CNTNAP2: variants seen among roughly 807,000 people sequenced by gnomAD.
CNTNAP2 encodes contactin-associated protein-like 2.
Under a neutral mutation model 155.2 loss-of-function variants are expected in CNTNAP2, and 98 were observed. The ratio of observed to expected loss-of-function variants is 0.63; its 90% CI spans 0.54 to 0.75. CNTNAP2 has a LOEUF of 0.75. CNTNAP2 is among the 30% of genes least tolerant of loss of function. The pLI is 0.00. For synonymous variants in CNTNAP2, 651 were observed against 631.2 expected, an observed-to-expected ratio of 1.03 and a Z score of -0.47; for missense variants, 1,727 against 1,688.1, an observed-to-expected ratio of 1.02 and a Z score of -0.40.
intron 1 of CNTNAP2, among the ~76,000 whole-genome samples, chr7:146,387,873 G>A (rs1414073970): frequency 3.3e-5 from 5 of 151,910 alleles, no homozygotes; most frequent in East Asian, 3.9e-4. Flanking sequence ...CTTTCCTCTC[G>A]ATAAATCTAG....
At chr7:146,935,423 T>A (rs1443828013) in intron 3 of CNTNAP2, among the ~76,000 whole-genome samples, 1 of 152,188 alleles carries the variant, frequency 6.6e-6, no homozygotes, top group African/African-American at 2.4e-5. Flanking sequence ...ATACGTTGCC[T>A]CATAATCAGT....
At chr7:147,411,725 T>C (rs7795970) in intron 10 of CNTNAP2, among the ~76,000 whole-genome samples, 3,810 of 152,226 alleles carry the variant, frequency 0.025, 181 homozygotes, top group African/African-American at 0.087. Context: ...TCATATCTCA[T>C]TAGCCAGATT....
chr7:146,235,823 C>T (rs752417751), intron 1 of CNTNAP2, among the ~76,000 whole-genome samples: 3 of 152,026 alleles, frequency 2.0e-5, no homozygotes, highest in Admixed American at 6.6e-5. Flanking sequence ...GCTGTTCTCC[C>T]GTCTGCCTTT....
intron 21 of CNTNAP2, among the ~76,000 whole-genome samples, chr7:148,309,495 G>A (rs55664664): frequency 0.27 from 41,193 of 152,032 alleles, 6,032 homozygotes; most frequent in African/African-American, 0.39. Context: ...GGGTGCAGGC[G>A]GGCTGAGTCC....
Position 147,406,080 on chromosome 7 carries a change from C to T in CNTNAP2, c.1670+10300C>T, listed in dbSNP as rs1026068848. ...CATTTCTTTACTGGATTTCATTAAACCCAACATATTGAAGACTTGTATCAT... is the reference window on the plus strand; with the variant it reads ...CATTTCTTTACTGGATTTCATTAAATCCAACATATTGAAGACTTGTATCAT... On this transcript the variant is annotated intron_variant, in intron 10 of 23. Transcript: ENST00000361727. 7.2e-5 allele frequency among the ~76,000 whole-genome samples: 11 copies of T among 152,084 alleles called. 1 individual carries two copies. The highest frequency in any genetic ancestry group is 2.4e-4 in the African/African-American group (10 of 41,424).
intron 1 of CNTNAP2, among the ~76,000 whole-genome samples, chr7:146,202,784 A>G (rs972721756): frequency 6.6e-6 from 1 of 152,162 alleles, no homozygotes; most frequent in Non-Finnish European, 1.5e-5. Flanking sequence ...TAATGAGTTC[A>G]ACTATGATTA....
intron 10 of CNTNAP2, among the ~76,000 whole-genome samples, chr7:147,480,454 T>C (rs1004465656): frequency 1.3e-5 from 2 of 152,174 alleles, no homozygotes; most frequent in African/African-American, 4.8e-5. Context: ...TAGCTGACCC[T>C]GAGATTGAGA....
intron 21 of CNTNAP2, among the ~76,000 whole-genome samples, chr7:148,309,783 CA>C (rs1797560672): frequency 6.6e-6 from 1 of 152,120 alleles, no homozygotes; most frequent in South Asian, 2.1e-4. Context: ...ACGTGCAGGT[CA>C]CAGGGGATAT....
chr7:147,013,082 ATG>A (rs1478041978), intron 3 of CNTNAP2, among the ~76,000 whole-genome samples: 1 of 152,156 alleles, frequency 6.6e-6, no homozygotes, highest in Non-Finnish European at 1.5e-5. Context: ...AAATAATTCA[ATG>A]TGTTTTCTTG....
At chr7:146,708,466 C>G (rs1195745393) in intron 1 of CNTNAP2, among the ~76,000 whole-genome samples, 1 of 149,534 alleles carries the variant, frequency 6.7e-6, no homozygotes, top group Non-Finnish European at 1.5e-5. Flanking sequence ...TAATTAATTA[C>G]TACAAATAAA....
At chr7:146,485,502 A>T (rs1199517258) in intron 1 of CNTNAP2, among the ~76,000 whole-genome samples, 2 of 152,240 alleles carry the variant, frequency 1.3e-5, no homozygotes, top group African/African-American at 2.4e-5. Context: ...GATTTGACCC[A>T]GATGGGTCTG....
At chr7:146,232,696 TATTC>T (rs766584170) in intron 1 of CNTNAP2, among the ~76,000 whole-genome samples, 3 of 152,152 alleles carry the variant, frequency 2.0e-5, no homozygotes, top group Admixed American at 6.5e-5. Context: ...CCTATACACT[TATTC>T]ATTCATTCAT....
At chr7:148,121,845 A>G (rs1804602253) in intron 16 of CNTNAP2, among the ~76,000 whole-genome samples, 1 of 152,174 alleles carries the variant, frequency 6.6e-6, no homozygotes, top group African/African-American at 2.4e-5. Context: ...TTAACCCTAT[A>G]CTTCATGTAT....
intron 3 of CNTNAP2, among the ~76,000 whole-genome samples, chr7:147,014,735 C>A (rs189849733): frequency 9.9e-5 from 15 of 152,136 alleles, no homozygotes; most frequent in Non-Finnish European, 1.9e-4. Context: ...GGCGGTTAAT[C>A]CGGAGTGAAA....
At chr7:147,203,641 A>G (rs1174568354) in intron 8 of CNTNAP2, among the ~76,000 whole-genome samples, 2 of 152,206 alleles carry the variant, frequency 1.3e-5, no homozygotes, top group Non-Finnish European at 2.9e-5. Context: ...ATTTAAAACT[A>G]TATTATTAAA....
At chr7:146,177,882 A>G (rs1485787079) in intron 1 of CNTNAP2, among the ~76,000 whole-genome samples, 3 of 152,122 alleles carry the variant, frequency 2.0e-5, no homozygotes, top group African/African-American at 7.2e-5. Context: ...CATAAATTTT[A>G]GAAGCCTCCA....
rs376725928 is a variant in CNTNAP2, at chr7:146,825,072, C to CTG, written c.209-14625_209-14624dup. 1.6e-4 allele frequency among the ~76,000 whole-genome samples: 24 copies of CTG among 150,866 alleles called. 1 individual carries two copies. Among genetic ancestry groups the CTG allele is most frequent in the Middle Eastern group, 3.5e-3 (1 of 288 alleles). ...ACTATATTTACAAGGCTTATCTGTC[C>CTG]TGTGTGTGTGTGTGTACTTATCCTA... is the stretch of plus-strand genomic sequence containing the variant. On this transcript the variant is annotated intron_variant, in intron 2 of 23. Coordinates refer to ENST00000361727, the MANE Select transcript of CNTNAP2 (RefSeq NM_014141.6).
chr7:148,029,350 A>G (rs1563173053), intron 15 of CNTNAP2, among the ~76,000 whole-genome samples: 1 of 152,200 alleles, frequency 6.6e-6, no homozygotes, highest in Non-Finnish European at 1.5e-5. Context: ...GAAAATATGG[A>G]ATTTTTTTTC....
intron 3 of CNTNAP2, among the ~76,000 whole-genome samples, chr7:146,936,044 A>G (rs1057119143): frequency 6.6e-6 from 1 of 152,186 alleles, no homozygotes; most frequent in Admixed American, 6.5e-5. Flanking sequence ...TGAAAGAACT[A>G]TGCAACCATG....
Sources: allele counts gnomAD v4.1 joint callset (sites outside exome capture counted in the v4.1 genomes callset), GRCh38; gene constraint gnomAD v4.1.1; transcripts MANE v1.5; gene names NCBI Gene and HGNC (gene_info 2026-07-23, HGNC 2026-07-21).